The following CACUL1 variants were observed in gnomAD, a reference collection of about 807,000 sequenced individuals.
CACUL1 encodes CDK2 associated cullin domain 1.
In CACUL1, 13 loss-of-function variants were observed where a neutral mutation model predicts 45.2. The observed-to-expected ratio is 0.29, with a 90% CI of 0.19 to 0.46. The LOEUF (loss-of-function observed/expected upper bound fraction) is 0.46, where lower values mean the gene tolerates loss of function less well. Among genes scored for constraint, CACUL1 ranks in the 20% least tolerant of loss-of-function variants. The pLI is 1.00. For missense variants in CACUL1, 421 were observed against 471.4 expected, an observed-to-expected ratio of 0.89 and a Z score of 0.99; for synonymous variants, 197 against 174.2, an observed-to-expected ratio of 1.13 and a Z score of -1.03.
rs1157094797 is a variant in CACUL1 at position 118,678,354 on chromosome 10, T to G, written c.*7774A>C. 6.6e-6 allele frequency: 1 copy of G among 152,242 alleles called. No homozygotes were observed. The highest frequency in any genetic ancestry group is 1.5e-5 in the Non-Finnish European group (1 of 68,042). The allele number at this position is 152,242 out of a possible 1,614,324, so 9.4% of individuals were successfully genotyped here. ...CTATCTTGTTGATGAAATTCTTCCCTACTCCAAAGTCATTGTTTTAATCAC... is the reference window on the plus strand; with the variant it reads ...CTATCTTGTTGATGAAATTCTTCCCGACTCCAAAGTCATTGTTTTAATCAC... On this transcript the variant is annotated 3_prime_UTR_variant, in exon 9 of 9. Coordinates refer to ENST00000369151, the MANE Select transcript of CACUL1 (RefSeq NM_153810.5).
intron 1 of CACUL1, among the ~76,000 whole-genome samples, chr10:118,754,072 G>A (rs1023254772): frequency 1.3e-5 from 2 of 152,190 alleles, no homozygotes; most frequent in African/African-American, 4.8e-5. Context: ...GAGAAGACGG[G>A]TGCGAAAAGA....
At chr10:118,741,186 T>G (rs1381188464) in intron 1 of CACUL1, among the ~76,000 whole-genome samples, 1 of 152,158 alleles carries the variant, frequency 6.6e-6, no homozygotes, top group East Asian at 1.9e-4. Context: ...TTTATGTGTC[T>G]TTTTGCATAA....
intron 1 of CACUL1, among the ~76,000 whole-genome samples, chr10:118,737,413 T>G (rs1160055176): frequency 2.0e-5 from 3 of 152,194 alleles, no homozygotes; most frequent in African/African-American, 7.2e-5. Context: ...GATGTCTTAT[T>G]TTTATTTTAT....
At chr10:118,715,962 C>A (rs765495935) in intron 3 of CACUL1, among the ~76,000 whole-genome samples, 1 of 152,122 alleles carries the variant, frequency 6.6e-6, no homozygotes, top group African/African-American at 2.4e-5. Flanking sequence ...ACCGGCTGGG[C>A]GCGGTGGCTC....
chr10:118,699,683 C>T (rs930471293), intron 5 of CACUL1, among the ~76,000 whole-genome samples: 2 of 151,120 alleles, frequency 1.3e-5, no homozygotes, highest in Non-Finnish European at 2.9e-5. Context: ...CTTGCTCTGT[C>T]GCCCAGGCTG....
rs1245879389 is a variant in CACUL1 at position 118,679,278 on chromosome 10, C to T, written c.*6850G>A. 1.3e-5 allele frequency: 2 copies of T among 152,226 alleles called. No individual in the cohort carries two copies. The highest frequency in any genetic ancestry group is 1.3e-4 in the Admixed American group (2 of 15,286). The allele number at this position is 152,226 out of a possible 1,614,324, so 9.4% of individuals were successfully genotyped here. A position where few individuals can be genotyped will look rare whatever the true frequency, so the allele number is the denominator to read the frequency against. ...AGTCCAGTGGTGTGACCTTAGCCCA[C>T]TGTAACCTCCACTTCCTGGGTTCAA... On this transcript the variant is annotated 3_prime_UTR_variant, in exon 9 of 9. Coordinates refer to ENST00000369151, the MANE Select transcript of CACUL1 (RefSeq NM_153810.5).
chr10:118,749,847 C>T (rs998620269), intron 1 of CACUL1, among the ~76,000 whole-genome samples: 2 of 151,480 alleles, frequency 1.3e-5, no homozygotes, highest in African/African-American at 4.8e-5. Flanking sequence ...CTGGTGGACC[C>T]GTAGTAACAC....
In CACUL1 at chr10:118,754,724, G is replaced by A. The variant is rs747427744; in HGVS notation, c.39C>T (p.Tyr13=). The change falls in exon 1 of 9, where the codon TAC becomes TAT. Residue 13 remains tyrosine (Y), a synonymous_variant. Coordinates refer to ENST00000369151, the MANE Select transcript of CACUL1 (RefSeq NM_153810.5). ...GGTTCTGGTCGTCCATCATCGCCTC[G>A]TAGCTGCCCCCCTCCTCCTCTTCCA... ...ESMEEEEGGS[Y]EAMMDDQNHN... 1 of 1,603,394 alleles carries A rather than the reference G, an allele frequency of 6.2e-7. No individual in the cohort carries two copies. The highest frequency in any genetic ancestry group is 8.5e-7 in the Non-Finnish European group (1 of 1,176,038).
intron 3 of CACUL1, among the ~76,000 whole-genome samples, chr10:118,707,916 G>A (rs1174682089): frequency 1.3e-5 from 2 of 152,128 alleles, no homozygotes; most frequent in Non-Finnish European, 2.9e-5. Context: ...GGGAGGCCAA[G>A]GTGTGTGGAT....
intron 1 of CACUL1, among the ~76,000 whole-genome samples, chr10:118,752,873 G>C (rs1845910739): frequency 6.6e-6 from 1 of 152,122 alleles, no homozygotes; most frequent in Non-Finnish European, 1.5e-5. Flanking sequence ...ATCAGCCTAA[G>C]TTCATAACGT....
chr10:118,691,866 C>CAAAAAAAAAAA (rs754241223), intron 6 of CACUL1, among the ~76,000 whole-genome samples: 29 of 95,404 alleles, frequency 3.0e-4, no homozygotes, highest in Middle Eastern at 5.6e-3. Context: ...GACTCCGTCT[C>CAAAAAAAAAAA]AAAAAAAAAA....
In CACUL1 at chr10:118,729,327, T is replaced by G. The variant is rs1482115460; in HGVS notation, c.565A>C (p.Asn189His). The G allele has an allele frequency of 6.2e-7, 1 of 1,613,348 alleles. No homozygotes were observed. The highest frequency in any genetic ancestry group is 1.3e-5 in the African/African-American group (1 of 75,042). ...MYSDLIKKIT[N>H]HLERVSKELQ... is the part of the protein sequence containing the mutation. ...TCCTTTGAGACTCTCTCTAAGTGAT[T>G]AGTTATCTTTTTAATCAGATCACTA... is the stretch of plus-strand genomic sequence containing the variant. Residue 189 changes from asparagine to histidine, a missense_variant, in exon 3 of 9, where the codon AAT becomes CAT. Asn to His is a moderately conservative substitution (Grantham distance 68, BLOSUM62 1). Transcript: ENST00000369151.
intron 1 of CACUL1, among the ~76,000 whole-genome samples, chr10:118,748,707 G>T (rs914439823): frequency 6.6e-6 from 1 of 152,042 alleles, no homozygotes; most frequent in Non-Finnish European, 1.5e-5. Flanking sequence ...TCCAAAATCC[G>T]AAAAAAATCT....
chr10:118,682,598 G>A lies in CACUL1; in HGVS notation c.*3530C>T, dbSNP rs1285934547. The A allele has an allele frequency of 6.6e-6, 1 of 152,646 alleles. No individual in the cohort carries two copies. Among genetic ancestry groups the A allele is most frequent in the East Asian group, 1.9e-4 (1 of 5,196 alleles). The allele number at this position is 152,646 out of a possible 1,614,324, so 9.5% of individuals were successfully genotyped here. On this transcript the variant is annotated 3_prime_UTR_variant, in exon 9 of 9. Coordinates refer to ENST00000369151, the MANE Select transcript of CACUL1 (RefSeq NM_153810.5). The stretch of plus-strand genomic sequence containing the variant: ...TAGTATGCGTACAGACCACCACTCG[G>A]AAGTTATCCTTTTGTGCTGAAAAAC...
chr10:118,695,711 G>A (rs1001738429), intron 5 of CACUL1, among the ~76,000 whole-genome samples: 17 of 152,156 alleles, frequency 1.1e-4, no homozygotes, highest in African/African-American at 4.1e-4. Context: ...TAAGGGCAAG[G>A]GATGATAATG....
At chr10:118,712,079 CA>C (rs1845491181) in intron 3 of CACUL1, among the ~76,000 whole-genome samples, 1 of 152,050 alleles carries the variant, frequency 6.6e-6, no homozygotes, top group South Asian at 2.1e-4. Context: ...GCTTTTTCCC[CA>C]AAGAAAACAA....
chr10:118,709,408 C>A (rs1203617509), intron 3 of CACUL1, among the ~76,000 whole-genome samples: 2 of 152,154 alleles, frequency 1.3e-5, no homozygotes, highest in Admixed American at 1.3e-4. Context: ...TTAATTAGGT[C>A]CCATTTTAAC....
chr10:118,707,468 AAGGAGGAAGG>A lies in CACUL1; in HGVS notation c.693+14_693+23del. 1 of 1,073,302 alleles carries A rather than the reference AAGGAGGAAGG, an allele frequency of 9.3e-7. No individual in the cohort carries two copies. The highest frequency in any genetic ancestry group is 1.3e-5 in the South Asian group (1 of 78,758). The allele number at this position is 1,073,302 out of a possible 1,614,324, so 66.5% of individuals were successfully genotyped here. A position where few individuals can be genotyped will look rare whatever the true frequency, so the allele number is the denominator to read the frequency against. On this transcript the variant is annotated intron_variant, in intron 4 of 8. Coordinates refer to ENST00000369151, the MANE Select transcript of CACUL1 (RefSeq NM_153810.5). The stretch of plus-strand genomic sequence containing the variant: ...TCAACAATACACCTAGGTATTTGGG[AAGGAGGAAGG>A]AGCTCTTACTTACCATATATATGAA...
intron 1 of CACUL1, among the ~76,000 whole-genome samples, chr10:118,744,832 T>C (rs1845826394): frequency 6.6e-6 from 1 of 152,088 alleles, no homozygotes; most frequent in South Asian, 2.1e-4. Flanking sequence ...ATTTTTGTAT[T>C]TTTAGTATGG....
Sources: allele counts gnomAD v4.1 joint callset (sites outside exome capture counted in the v4.1 genomes callset), GRCh38; gene constraint gnomAD v4.1.1; transcripts MANE v1.5; gene names NCBI Gene and HGNC (gene_info 2026-07-23, HGNC 2026-07-21).